The following CADPS2 variants were observed in gnomAD, a reference collection of about 807,000 sequenced individuals.
CADPS2 encodes the protein calcium-dependent secretion activator 2.
CADPS2 carries 93 observed loss-of-function variants against 172.5 expected under a neutral mutation model. That is an observed-to-expected ratio of 0.54 (90% confidence interval 0.46 to 0.64). The LOEUF (loss-of-function observed/expected upper bound fraction) is 0.64, where lower values mean the gene tolerates loss of function less well. Among genes scored for constraint, CADPS2 ranks in the 30% least tolerant of loss-of-function variants. CADPS2 has a pLI of 0.00. For missense variants in CADPS2, 1,420 were observed against 1,565.9 expected (o/e 0.91, Z 1.57); for synonymous variants, 546 against 555.2 (o/e 0.98, Z 0.23).
chr7:122,716,217 T>C (rs2089576885), intron 2 of CADPS2, among the ~76,000 whole-genome samples: 1 of 152,134 alleles, frequency 6.6e-6, no homozygotes, highest in Non-Finnish European at 1.5e-5. Context: ...TGACTATTCA[T>C]ATATGTTGCT....
intron 1 of CADPS2, among the ~76,000 whole-genome samples, chr7:122,746,663 T>G (rs2092730718): frequency 6.6e-6 from 1 of 151,446 alleles, no homozygotes; most frequent in Non-Finnish European, 1.5e-5. Flanking sequence ...ACACACACCC[T>G]CATGTTTTAA....
At position 122,705,502 on chromosome 7, in the gene CADPS2, A is replaced by ATATATTATATATATTTATATTG. The variant is rs1564120076; in HGVS notation, c.453+31452_453+31453insCAATATAAATATATATAATATA. On this transcript the variant is annotated intron_variant, in intron 2 of 29. Transcript: ENST00000449022. The stretch of plus-strand genomic sequence containing the variant: ...ATTTATATTATATATTATCTATATT[A>ATATATTATATATATTTATATTG]TATATTATCTATATTTATATTGTGT... Among the ~76,000 whole-genome samples, 36 of 122,502 alleles carry ATATATTATATATATTTATATTG rather than the reference A, an allele frequency of 2.9e-4. 4 individuals carry two copies. Among genetic ancestry groups the ATATATTATATATATTTATATTG allele is most frequent in the African/African-American group, 9.9e-4 (32 of 32,244 alleles). The allele number at this position is 122,502 out of a possible 152,430, so 80.4% of individuals were successfully genotyped here. A position where few individuals can be genotyped will look rare whatever the true frequency, so the allele number is the denominator to read the frequency against.
intron 19 of CADPS2, among the ~76,000 whole-genome samples, chr7:122,413,610 G>A (rs1336335382): frequency 1.3e-5 from 2 of 152,178 alleles, no homozygotes; most frequent in Non-Finnish European, 2.9e-5. Context: ...CAAGGGAGCT[G>A]AGCCAGGTGC....
At chr7:122,569,760 T>C (rs2066964126) in intron 7 of CADPS2, among the ~76,000 whole-genome samples, 2 of 146,926 alleles carry the variant, frequency 1.4e-5, no homozygotes, top group Admixed American at 1.4e-4. Flanking sequence ...TTGACAAACC[T>C]GAGAAAAACA....
intron 1 of CADPS2, among the ~76,000 whole-genome samples, chr7:122,743,465 C>G (rs1296290736): frequency 2.6e-5 from 4 of 152,120 alleles, no homozygotes; most frequent in African/African-American, 9.7e-5. Flanking sequence ...CCTGCCCTGA[C>G]CTGCAGAACC....
intron 2 of CADPS2, among the ~76,000 whole-genome samples, chr7:122,686,715 G>A (rs1221559127): frequency 6.6e-6 from 1 of 152,206 alleles, no homozygotes; most frequent in Non-Finnish European, 1.5e-5. Flanking sequence ...CCCTGACAGA[G>A]TCTCATTCTG....
intron 27 of CADPS2, among the ~76,000 whole-genome samples, chr7:122,350,844 G>A (rs904404845): frequency 1.3e-5 from 2 of 151,784 alleles, no homozygotes; most frequent in African/African-American, 4.8e-5. Context: ...AAATTAGCCA[G>A]GCATGGTGGT....
intron 24 of CADPS2, among the ~76,000 whole-genome samples, chr7:122,380,634 G>A (rs1247046806): frequency 1.3e-5 from 2 of 152,096 alleles, no homozygotes; most frequent in African/African-American, 4.8e-5. Context: ...AGAAAGGAAG[G>A]ATAATTTTGG....
intron 1 of CADPS2, among the ~76,000 whole-genome samples, chr7:122,873,152 A>T (rs1563222125): frequency 6.6e-6 from 1 of 152,152 alleles, no homozygotes; most frequent in Admixed American, 6.5e-5. Flanking sequence ...TATATTTTTT[A>T]AATGGAGTCC....
At chr7:122,406,919 A>G (rs1481055012) in intron 20 of CADPS2, among the ~76,000 whole-genome samples, 1 of 152,200 alleles carries the variant, frequency 6.6e-6, no homozygotes, top group Non-Finnish European at 1.5e-5. Context: ...CCGTATGTTA[A>G]AATCTTGATA....
chr7:122,676,222 C>A (rs1588334645), intron 2 of CADPS2, among the ~76,000 whole-genome samples: 1 of 152,008 alleles, frequency 6.6e-6, no homozygotes, highest in Non-Finnish European at 1.5e-5. Flanking sequence ...ACGAGAAACA[C>A]CTACAATACA....
intron 19 of CADPS2, among the ~76,000 whole-genome samples, chr7:122,411,432 C>T (rs544186443): frequency 6.6e-6 from 1 of 152,070 alleles, no homozygotes; most frequent in African/African-American, 2.4e-5. Context: ...GTTCGCCAGG[C>T]TGACCTTGAA....
At chr7:122,640,633 TAAA>T (rs755654004) in intron 3 of CADPS2, among the ~76,000 whole-genome samples, 34 of 150,904 alleles carry the variant, frequency 2.3e-4, no homozygotes, top group African/African-American at 7.3e-4. Context: ...AAAATAAAAA[TAAA>T]AAAAAATATT....
intron 1 of CADPS2, among the ~76,000 whole-genome samples, chr7:122,820,568 T>G (rs1455293710): frequency 8.1e-6 from 1 of 123,080 alleles, no homozygotes; most frequent in Non-Finnish European, 1.7e-5. Flanking sequence ...TTTTTTTTTT[T>G]TTTTTTTTTG....
At chr7:122,367,285 A>C (rs1266320433) in intron 25 of CADPS2, among the ~76,000 whole-genome samples, 1 of 151,874 alleles carries the variant, frequency 6.6e-6, no homozygotes, top group East Asian at 1.9e-4. Context: ...AAGTTATGAG[A>C]GAGAGAAAGC....
chr7:122,438,414 T>C lies in CADPS2; in HGVS notation c.2403A>G (p.Lys801=), dbSNP rs1477881239. 28 of 1,613,090 alleles carry C rather than the reference T, an allele frequency of 1.7e-5. No homozygotes were observed. Among genetic ancestry groups the C allele is most frequent in the Admixed American group, 3.3e-5 (2 of 59,894 alleles). The change falls in exon 17 of 30, where the codon AAA becomes AAG. Residue 801 remains lysine, a synonymous_variant. Coordinates refer to ENST00000449022, the MANE Select transcript of CADPS2 (RefSeq NM_017954.11). ...CTTTCTCGAGACATTTTCTGACCAC[T>C]TTCTTCACCTCTTCTGCTGGTATGG... is the stretch of plus-strand genomic sequence containing the variant. ...ATPIPAEEVK[K]VVRKCLEKAA...
At chr7:122,765,885 C>T (rs1374973281) in intron 1 of CADPS2, among the ~76,000 whole-genome samples, 1 of 152,078 alleles carries the variant, frequency 6.6e-6, no homozygotes, top group East Asian at 1.9e-4. Context: ...GGTTGGATTT[C>T]TGGGCTCAAT....
chr7:122,470,583 C>T (rs903366356), intron 14 of CADPS2, among the ~76,000 whole-genome samples: 1 of 152,040 alleles, frequency 6.6e-6, no homozygotes, highest in African/African-American at 2.4e-5. Context: ...CAACCTCTGC[C>T]TCCCGGGTTC....
intron 1 of CADPS2, among the ~76,000 whole-genome samples, chr7:122,806,010 T>C (rs938778380): frequency 1.1e-4 from 17 of 152,240 alleles, no homozygotes; most frequent in African/African-American, 4.1e-4. Context: ...ATATTTATAT[T>C]AGAGCACTGA....
Sources: gnomAD v4.1 joint callset for allele counts (sites outside exome capture counted in the v4.1 genomes callset) on GRCh38, gnomAD v4.1.1 for gene constraint, MANE v1.5 for transcripts, NCBI Gene and HGNC (gene_info 2026-07-23, HGNC 2026-07-21) for gene names.